Variants in GALNT10 observed in about 807,000 individuals in gnomAD.
GALNT10 encodes polypeptide N-acetylgalactosaminyltransferase 10, also known as GalNAc transferase 10.
GALNT10 carries 41 observed loss-of-function variants against 75.0 expected under a neutral mutation model. That is an observed-to-expected ratio of 0.55 (90% CI 0.43 to 0.71). The LOEUF is 0.71. GALNT10 is among the 30% of genes least tolerant of loss of function. The pLI is 0.00. For synonymous variants in GALNT10, 302 were observed against 313.0 expected (o/e 0.96, Z 0.37); for missense variants, 727 against 818.5 (o/e 0.89, Z 1.36).
intron 3 of GALNT10, among the ~76,000 whole-genome samples, chr5:154,325,660 C>G (rs1339227702): frequency 6.7e-6 from 1 of 148,356 alleles, no homozygotes; most frequent in Non-Finnish European, 1.5e-5. Context: ...TTGACAAAAT[C>G]CAACACTTCT....
At chr5:154,249,301 C>T (rs1015701672) in intron 1 of GALNT10, among the ~76,000 whole-genome samples, 2 of 152,204 alleles carry the variant, frequency 1.3e-5, no homozygotes, top group Non-Finnish European at 2.9e-5. Context: ...TGCTGCCGGA[C>T]TGGGGACCGC....
chr5:154,412,024 C>A lies in GALNT10; in HGVS notation c.1387-865C>A, dbSNP rs936556518. ...CACCAGCCAGAGGAGTTCAACATCTCGCAAGAGTGGGTCTGCCTCACCCAT... is the reference window on the plus strand; with the variant it reads ...CACCAGCCAGAGGAGTTCAACATCTAGCAAGAGTGGGTCTGCCTCACCCAT... On this transcript the variant is annotated intron_variant, in intron 9 of 11. Transcript: ENST00000297107. This position sits in a 1 kb window ranked among gnomAD's most constrained non-coding sequence, Gnocchi z 4.2. Among the ~76,000 whole-genome samples the A allele has an allele frequency of 2.0e-5, 3 of 152,194 alleles. No individual in the cohort carries two copies. The highest frequency in any genetic ancestry group is 2.4e-5 in the African/African-American group (1 of 41,452).
At chr5:154,381,149 G>T (rs1432413946) in intron 6 of GALNT10, among the ~76,000 whole-genome samples, 1 of 152,180 alleles carries the variant, frequency 6.6e-6, no homozygotes, top group Admixed American at 6.5e-5. Context: ...CCATCGTACT[G>T]CTATACCCAC....
At chr5:154,330,968 C>T (rs1056143694) in intron 4 of GALNT10, among the ~76,000 whole-genome samples, 1 of 146,514 alleles carries the variant, frequency 6.8e-6, no homozygotes, top group Non-Finnish European at 1.5e-5. Context: ...TAACTCAGTT[C>T]TTACCCGGTC....
chr5:154,202,991 TG>T (rs1775051050), intron 1 of GALNT10, among the ~76,000 whole-genome samples: 2 of 152,210 alleles, frequency 1.3e-5, no homozygotes, highest in Admixed American at 6.5e-5. Flanking sequence ...CAGGGAACAA[TG>T]GGGCACGTTA....
At chr5:154,263,336 A>T (rs931450938) in intron 1 of GALNT10, among the ~76,000 whole-genome samples, 2 of 152,222 alleles carry the variant, frequency 1.3e-5, no homozygotes, top group Non-Finnish European at 2.9e-5. Flanking sequence ...TGAAGTACTG[A>T]TACACACTAC....
At chr5:154,242,781 A>C (rs1753358312) in intron 1 of GALNT10, among the ~76,000 whole-genome samples, 1 of 152,174 alleles carries the variant, frequency 6.6e-6, no homozygotes, top group Non-Finnish European at 1.5e-5. Flanking sequence ...AGACTCCCAG[A>C]TATAACCCAT....
intron 1 of GALNT10, among the ~76,000 whole-genome samples, chr5:154,247,366 T>C (rs1020886328): frequency 6.6e-6 from 1 of 152,252 alleles, no homozygotes; most frequent in Non-Finnish European, 1.5e-5. Flanking sequence ...GGTAGCTTGA[T>C]GGGGATGGCA....
chr5:154,273,797 A>G (rs1468164537), intron 1 of GALNT10, among the ~76,000 whole-genome samples: 1 of 152,200 alleles, frequency 6.6e-6, no homozygotes, highest in African/African-American at 2.4e-5. Context: ...AAGGAGTTGG[A>G]TTAGATCATT....
intron 1 of GALNT10, among the ~76,000 whole-genome samples, chr5:154,229,892 G>C (rs1753121818): frequency 6.6e-6 from 1 of 152,244 alleles, no homozygotes. Context: ...AGGATACATT[G>C]AGGAAGCAGA....
In GALNT10 at chr5:154,412,612, CA is replaced by C; in HGVS notation, c.1387-275del. On this transcript the variant is annotated intron_variant, in intron 9 of 11. Coordinates refer to ENST00000297107, the MANE Select transcript of GALNT10 (RefSeq NM_198321.4). This position sits in a 1 kb window ranked among gnomAD's most constrained non-coding sequence, Gnocchi z 4.2. ...GGAGTAGGGCCAGGGAGTCCTTTAC[CA>C]ACTCCTCACCTCCACTCCCCCACCA... The C allele has an allele frequency of 2.9e-6, 1 of 346,646 alleles. No homozygotes were observed. Among genetic ancestry groups the C allele is most frequent in the Non-Finnish European group, 5.4e-6 (1 of 185,668 alleles). 21.5% of individuals were successfully genotyped at this position (346,646 alleles called of 1,614,324 possible). A position where few individuals can be genotyped will look rare whatever the true frequency, so the allele number is the denominator to read the frequency against.
At chr5:154,239,719 C>G (rs1380810454) in intron 1 of GALNT10, among the ~76,000 whole-genome samples, 1 of 152,176 alleles carries the variant, frequency 6.6e-6, no homozygotes, top group Non-Finnish European at 1.5e-5. Flanking sequence ...CCATTCCTGT[C>G]CTCAACCAGC....
chr5:154,378,742 C>A (rs1755693301), intron 5 of GALNT10, among the ~76,000 whole-genome samples: 1 of 152,184 alleles, frequency 6.6e-6, no homozygotes, highest in Admixed American at 6.5e-5. Flanking sequence ...GGATTTGAAC[C>A]TGGGCATTCT....
intron 1 of GALNT10, among the ~76,000 whole-genome samples, chr5:154,205,727 G>T (rs1413047383): frequency 6.6e-6 from 1 of 152,210 alleles, no homozygotes; most frequent in African/African-American, 2.4e-5. Context: ...GAGAAGAGAT[G>T]CAGAGACAGA....
intron 9 of GALNT10, among the ~76,000 whole-genome samples, chr5:154,411,459 C>T (rs538285928): frequency 6.6e-5 from 10 of 152,274 alleles, no homozygotes; most frequent in Admixed American, 3.9e-4. Flanking sequence ...TCGGGGAAGA[C>T]GAAAAGCAAG....
chr5:154,305,025 GGTGCA>G (rs1438457636), intron 3 of GALNT10, among the ~76,000 whole-genome samples: 1 of 152,166 alleles, frequency 6.6e-6, no homozygotes, highest in Non-Finnish European at 1.5e-5. Flanking sequence ...AATAGAACTG[GGTGCA>G]GTGGCTTGCA....
intron 1 of GALNT10, among the ~76,000 whole-genome samples, chr5:154,293,922 T>G (rs189580601): frequency 6.6e-6 from 1 of 152,244 alleles, no homozygotes; most frequent in Non-Finnish European, 1.5e-5. Context: ...ACTGAACTCA[T>G]GTAGTGCATT....
intron 3 of GALNT10, among the ~76,000 whole-genome samples, chr5:154,327,936 G>T (rs1754780332): frequency 6.6e-6 from 1 of 152,140 alleles, no homozygotes; most frequent in African/African-American, 2.4e-5. Context: ...CAAGCTTATA[G>T]ATCTAACTAC....
rs924106486 is a variant in GALNT10, at chr5:154,402,225, C to T, written c.1057-1879C>T. ...GCCCTGCCCGCGTCTCTGGCCTCCCCTCCCATCCCTCTTCCCCTTTCTCCC... is the reference window on the plus strand; with the variant it reads ...GCCCTGCCCGCGTCTCTGGCCTCCCTTCCCATCCCTCTTCCCCTTTCTCCC... On this transcript the variant is annotated intron_variant, in intron 7 of 11. Coordinates refer to ENST00000297107, the MANE Select transcript of GALNT10 (RefSeq NM_198321.4). The surrounding 1 kb of genome is among the most constrained non-coding windows in gnomAD (Gnocchi z 4.2). Among the ~76,000 whole-genome samples the T allele has an allele frequency of 1.3e-4, 20 of 152,222 alleles. No individual in the cohort carries two copies. Among genetic ancestry groups the T allele is most frequent in the Non-Finnish European group, 4.4e-5 (3 of 68,028 alleles).
Sources: allele counts gnomAD v4.1 joint callset (sites outside exome capture counted in the v4.1 genomes callset), GRCh38; gene constraint gnomAD v4.1.1; non-coding constraint Gnocchi (gnomAD v3.1); transcripts MANE v1.5; gene names NCBI Gene and HGNC (gene_info 2026-07-23, HGNC 2026-07-21).